ME2: variants seen among roughly 807,000 people sequenced by gnomAD.
ME2 encodes NAD-dependent malic enzyme, mitochondrial.
ME2 carries 60 observed loss-of-function variants against 73.7 expected under a neutral mutation model. That is an observed-to-expected ratio of 0.81 (90% CI 0.66 to 1.01). The LOEUF is 1.01. Ranked by LOEUF, ME2 falls within the 50% of genes least tolerant of loss-of-function variation. The pLI is 0.00. For synonymous variants in ME2, 199 were observed against 236.9 expected, an observed-to-expected ratio of 0.84 and a Z score of 1.47; for missense variants, 594 against 705.5, an observed-to-expected ratio of 0.84 and a Z score of 1.79.
At chr18:50,933,744 A>G (rs632624) in intron 13 of ME2, 77,294 of 151,314 alleles carry the variant, frequency 0.51, 19,958 homozygotes, top group South Asian at 0.67. Context: ...GGTTTCATGT[A>G]TAGATTATTT....
rs973032334 is a variant in ME2, at chr18:50,952,788, C to T, written c.*5604C>T. 8 of 152,302 alleles carry T rather than the reference C, an allele frequency of 5.3e-5. No individual in the cohort carries two copies. The highest frequency in any genetic ancestry group is 1.9e-4 in the African/African-American group (8 of 41,560). The allele number at this position is 152,302 out of a possible 1,614,324, so 9.4% of individuals were successfully genotyped here. A position where few individuals can be genotyped will look rare whatever the true frequency, so the allele number is the denominator to read the frequency against. ...TACAGCCATTGGATTATCACCAACA[C>T]ATTTGGTATATACAGTGGGCCGATA... On this transcript the variant is annotated 3_prime_UTR_variant, in exon 16 of 16. Transcript: ENST00000321341.
Position 50,908,050 on chromosome 18 carries a change from T to G in ME2, c.109-13T>G, listed in dbSNP as rs997572209. 9.2e-6 allele frequency: 14 copies of G among 1,526,072 alleles called. No homozygotes were observed. In the East Asian group the frequency reaches 9.4e-5, roughly 10 times the overall value. 94.5% of individuals were successfully genotyped at this position (1,526,072 alleles called of 1,614,324 possible). A position where few individuals can be genotyped will look rare whatever the true frequency, so the allele number is the denominator to read the frequency against. ...AAGTAATAATTTTTAATCCTTTTAT[T>G]TCTCCTCTTTAGGGAATGGCATTTA... On this transcript the variant is annotated splice_polypyrimidine_tract_variant and intron_variant, in intron 2 of 15. Coordinates refer to ENST00000321341, the MANE Select transcript of ME2 (RefSeq NM_002396.5).
intron 12 of ME2, among the ~76,000 whole-genome samples, chr18:50,931,740 T>A (rs992701338): frequency 6.6e-5 from 10 of 152,038 alleles, no homozygotes; most frequent in African/African-American, 2.4e-4. Context: ...AGTGGCGTGC[T>A]ATCGGCTCAC....
chr18:50,883,540 C>T (rs760885254), intron 1 of ME2, among the ~76,000 whole-genome samples: 7 of 152,176 alleles, frequency 4.6e-5, no homozygotes, highest in Non-Finnish European at 1.0e-4. Flanking sequence ...CATACCAGGG[C>T]AAGAAACCAC....
At chr18:50,944,509 CCT>C in intron 15 of ME2, among the ~76,000 whole-genome samples, 1 of 152,272 alleles carries the variant, frequency 6.6e-6, no homozygotes, top group Non-Finnish European at 1.5e-5. Flanking sequence ...TGTGTGTGCT[CCT>C]CTGACAGCCA....
chr18:50,913,860 T>TATATACACACACAC (rs112137080), intron 4 of ME2, among the ~76,000 whole-genome samples: 7 of 143,284 alleles, frequency 4.9e-5, no homozygotes, highest in East Asian at 2.0e-4. Context: ...AGCAATATTA[T>TATATACACACACAC]ACACACACAC....
chr18:50,947,326 T>A lies in ME2; in HGVS notation c.*142T>A. 1.4e-6 allele frequency: 1 copy of A among 737,780 alleles called. No homozygotes were observed. The highest frequency in any genetic ancestry group is 2.2e-6 in the Non-Finnish European group (1 of 452,580). 45.7% of individuals were successfully genotyped at this position (737,780 alleles called of 1,614,324 possible). Reference sequence around the variant, plus strand: ...GGTTGATGTATTTTTTCCATGCGTCTCCACATCTGTTGGGGTAGACGTGTT... The same window carrying A: ...GGTTGATGTATTTTTTCCATGCGTCACCACATCTGTTGGGGTAGACGTGTT... On this transcript the variant is annotated 3_prime_UTR_variant, in exon 16 of 16. Transcript: ENST00000321341.
intron 2 of ME2, among the ~76,000 whole-genome samples, chr18:50,899,998 G>A (rs1916848321): frequency 6.6e-6 from 1 of 152,166 alleles, no homozygotes; most frequent in African/African-American, 2.4e-5. Flanking sequence ...TTTGTTTCCA[G>A]AAAATAAGTT....
At chr18:50,894,084 C>A (rs1233733597) in intron 1 of ME2, among the ~76,000 whole-genome samples, 1 of 152,186 alleles carries the variant, frequency 6.6e-6, no homozygotes, top group African/African-American at 2.4e-5. Context: ...GGCTTACCAT[C>A]CATACATGGA....
At chr18:50,917,569 T>C in intron 6 of ME2, 61 bp downstream of exon 6, 13 of 1,218,180 alleles carry the variant, frequency 1.1e-5, no homozygotes, top group Non-Finnish European at 1.3e-5. Flanking sequence ...GTGTACAATA[T>C]TCCTTTTTTG....
At chr18:50,891,965 T>C (rs1190110766) in intron 1 of ME2, among the ~76,000 whole-genome samples, 3 of 150,636 alleles carry the variant, frequency 2.0e-5, no homozygotes, top group Non-Finnish European at 4.4e-5. Context: ...CACACCCAGC[T>C]AATTTTATTT....
intron 2 of ME2, among the ~76,000 whole-genome samples, chr18:50,896,210 G>T (rs1916741042): frequency 1.3e-5 from 2 of 152,112 alleles, no homozygotes; most frequent in African/African-American, 4.8e-5. Flanking sequence ...TAGTGCTTTG[G>T]CCAGGACTTT....
intron 7 of ME2, among the ~76,000 whole-genome samples, chr18:50,919,206 C>T (rs562425000): frequency 6.6e-6 from 1 of 152,140 alleles, no homozygotes; most frequent in South Asian, 2.1e-4. Context: ...AGTTCGTCTC[C>T]ACCTTAATAC....
intron 5 of ME2, 188 bp from the exon 6 acceptor site, chr18:50,917,158 CT>C: frequency 2.1e-6 from 1 of 485,270 alleles, no homozygotes; most frequent in African/African-American, 1.9e-5. Context: ...TAGTTAATGT[CT>C]CATAATACTC....
chr18:50,903,234 T>A (rs642633), intron 2 of ME2, among the ~76,000 whole-genome samples: 100,247 of 152,112 alleles, frequency 0.66, 33,228 homozygotes, highest in South Asian at 0.78. Flanking sequence ...AATGTCATCA[T>A]CACAGGCTTG....
intron 13 of ME2, 82 bp from the exon 14 acceptor site, chr18:50,939,488 A>T (rs1917894275): frequency 1.1e-6 from 1 of 923,298 alleles, no homozygotes; most frequent in Non-Finnish European, 1.7e-6. Flanking sequence ...ATGGATTACC[A>T]TTTATTTGCC....
intron 2 of ME2, among the ~76,000 whole-genome samples, chr18:50,897,148 A>G (rs988931809): frequency 6.6e-6 from 1 of 152,184 alleles, no homozygotes; most frequent in Non-Finnish European, 1.5e-5. Flanking sequence ...TTAAGCTGTT[A>G]TTGAAGTCAT....
intron 7 of ME2, among the ~76,000 whole-genome samples, chr18:50,919,453 T>C (rs1917368924): frequency 6.6e-6 from 1 of 152,154 alleles, no homozygotes; most frequent in South Asian, 2.1e-4. Flanking sequence ...CCATCTCTCC[T>C]TCTTCCTCTC....
intron 1 of ME2, among the ~76,000 whole-genome samples, 187 bp from the exon 2 acceptor site, chr18:50,895,622 G>A (rs1348754061): frequency 6.6e-6 from 1 of 152,196 alleles, no homozygotes; most frequent in Non-Finnish European, 1.5e-5. Flanking sequence ...AAGAGTAGCA[G>A]TGATTATTTC....
Sources: gnomAD v4.1 joint callset for allele counts (sites outside exome capture counted in the v4.1 genomes callset) on GRCh38, gnomAD v4.1.1 for gene constraint, MANE v1.5 for transcripts, NCBI Gene and HGNC (gene_info 2026-07-23, HGNC 2026-07-21) for gene names.